Variants in SLCO3A1 observed in about 807,000 individuals in gnomAD.
SLCO3A1 encodes the protein solute carrier organic anion transporter family member 3A1, also known as PGE1 transporter.
SLCO3A1 carries 27 observed loss-of-function variants against 63.1 expected under a neutral mutation model. The observed-to-expected ratio is 0.43, with a 90% CI of 0.32 to 0.59. The LOEUF (loss-of-function observed/expected upper bound fraction) is 0.59. Ranked by LOEUF, SLCO3A1 falls within the 20% of genes least tolerant of loss-of-function variation. SLCO3A1 has a pLI of 0.09. For missense variants in SLCO3A1, 773 were observed against 945.8 expected (o/e 0.82, Z 2.40); for synonymous variants, 473 against 409.9 (o/e 1.15, Z -1.86).
chr15:92,008,173 C>T (rs1481899153), intron 2 of SLCO3A1, among the ~76,000 whole-genome samples: 1 of 152,162 alleles, frequency 6.6e-6, no homozygotes, highest in Non-Finnish European at 1.5e-5. Flanking sequence ...AACACATACA[C>T]ACATAACACA....
intron 2 of SLCO3A1, among the ~76,000 whole-genome samples, chr15:92,005,927 C>T (rs1303898200): frequency 6.6e-6 from 1 of 152,116 alleles, no homozygotes; most frequent in African/African-American, 2.4e-5. Context: ...TTCTGAGACT[C>T]AGCCCTTCTA....
chr15:92,026,859 C>A (rs1447390378), intron 2 of SLCO3A1, among the ~76,000 whole-genome samples: 1 of 152,170 alleles, frequency 6.6e-6, no homozygotes, highest in Non-Finnish European at 1.5e-5. Flanking sequence ...GAGGCCAAGG[C>A]AGGTGGATCA....
At chr15:92,126,281 C>G in intron 6 of SLCO3A1, 22 bp downstream of exon 6, 1 of 1,603,212 alleles carries the variant, frequency 6.2e-7, no homozygotes, top group Non-Finnish European at 8.5e-7. Flanking sequence ...CAGTGTCTGC[C>G]GCCTTCCTGC....
At chr15:92,156,392 T>C (rs961340931) in intron 9 of SLCO3A1, among the ~76,000 whole-genome samples, 2 of 152,200 alleles carry the variant, frequency 1.3e-5, no homozygotes, top group Non-Finnish European at 2.9e-5. Flanking sequence ...CCACCCATGA[T>C]CTGCCACCCT....
intron 1 of SLCO3A1, among the ~76,000 whole-genome samples, chr15:91,896,515 C>T (rs1898007901): frequency 6.6e-6 from 1 of 152,144 alleles, no homozygotes. Flanking sequence ...GTAATTGACT[C>T]ATGGGGGTGG....
intron 7 of SLCO3A1, among the ~76,000 whole-genome samples, chr15:92,135,172 G>C (rs925631220): frequency 2.0e-5 from 3 of 152,174 alleles, no homozygotes; most frequent in African/African-American, 2.4e-5. Context: ...GAAAGCTGGA[G>C]GGAGAGATGG....
rs1597143529 is a variant in SLCO3A1, at chr15:91,944,003, A to G, written c.646+27545A>G. ...AATAGACCTCCATTAGCTGCTCTTC[A>G]TTGGAAACTTTTGAGCGTGCCATTT... On this transcript the variant is annotated intron_variant, in intron 2 of 9. Coordinates refer to ENST00000318445, the MANE Select transcript of SLCO3A1 (RefSeq NM_013272.4). 3.3e-5 allele frequency among the ~76,000 whole-genome samples: 5 copies of G among 152,208 alleles called. No homozygotes were observed. In the South Asian group the frequency reaches 1.0e-3, roughly 32 times the overall value.
At chr15:92,080,436 A>C (rs1466202486) in intron 2 of SLCO3A1, among the ~76,000 whole-genome samples, 1 of 151,902 alleles carries the variant, frequency 6.6e-6, no homozygotes, top group Non-Finnish European at 1.5e-5. Context: ...AGAACTATAG[A>C]AAAAGTCTCA....
chr15:92,050,963 T>C (rs529691388), intron 2 of SLCO3A1, among the ~76,000 whole-genome samples: 88 of 152,302 alleles, frequency 5.8e-4, no homozygotes, highest in African/African-American at 2.0e-3. Flanking sequence ...AGACATAGTC[T>C]TCTTGTCTCT....
intron 7 of SLCO3A1, among the ~76,000 whole-genome samples, chr15:92,141,685 A>G (rs919153591): frequency 3.3e-5 from 5 of 152,080 alleles, no homozygotes; most frequent in Non-Finnish European, 7.4e-5. Flanking sequence ...ATCTCTCTGC[A>G]CTCTGGGAAA....
At chr15:92,094,681 A>G (rs1418563458) in intron 2 of SLCO3A1, among the ~76,000 whole-genome samples, 200 bp from the exon 3 acceptor site, 5 of 152,250 alleles carry the variant, frequency 3.3e-5, no homozygotes, top group African/African-American at 9.6e-5. Flanking sequence ...CTGAAATACT[A>G]TAGAATTGTA....
At chr15:91,957,076 A>G (rs1435236270) in intron 2 of SLCO3A1, among the ~76,000 whole-genome samples, 1 of 1,476 alleles carries the variant, frequency 6.8e-4, no homozygotes, top group Non-Finnish European at 1.3e-3. Flanking sequence ...TTATATATAT[A>G]CTATATAGTA....
At chr15:91,919,155 C>T (rs888885109) in intron 2 of SLCO3A1, among the ~76,000 whole-genome samples, 16 of 152,228 alleles carry the variant, frequency 1.1e-4, no homozygotes, top group Admixed American at 8.5e-4. Flanking sequence ...GCTGTTTGTA[C>T]ATCGGTGGCC....
At chr15:92,064,326 A>G (rs2047122615) in intron 2 of SLCO3A1, among the ~76,000 whole-genome samples, 1 of 152,140 alleles carries the variant, frequency 6.6e-6, no homozygotes, top group South Asian at 2.1e-4. Context: ...AGTTCTTTGT[A>G]TATTCTGGTT....
At chr15:92,126,003 T>C in intron 5 of SLCO3A1, 58 bp from the exon 6 acceptor site, 1 of 1,488,532 alleles carries the variant, frequency 6.7e-7, no homozygotes, top group Non-Finnish European at 9.4e-7. Flanking sequence ...TGCCCGCCTG[T>C]CTGTAGACTG....
rs1023778377 is a variant in SLCO3A1, at chr15:91,854,669, C to T, written c.180+581C>T. Among the ~76,000 whole-genome samples, 2 of 152,142 alleles carry T rather than the reference C, an allele frequency of 1.3e-5. No homozygotes were observed. Among genetic ancestry groups the T allele is most frequent in the African/African-American group, 4.8e-5 (2 of 41,420 alleles). ...GGGGCTGCAGGGGGAATATTGCCAC[C>T]CGGTATCCCTATAGCCCTCTTTGAG... On this transcript the variant is annotated intron_variant, in intron 1 of 9. Transcript: ENST00000318445. The surrounding 1 kb of genome is among the most constrained non-coding windows in gnomAD (Gnocchi z 6.4).
At chr15:91,956,976 A>ATT (rs1567037072) in intron 2 of SLCO3A1, among the ~76,000 whole-genome samples, 2 of 18,328 alleles carry the variant, frequency 1.1e-4, no homozygotes, top group African/African-American at 7.3e-4. Context: ...ATATATATAT[A>ATT]GTATATATAA....
intron 2 of SLCO3A1, among the ~76,000 whole-genome samples, chr15:91,958,413 G>C (rs1023435183): frequency 6.6e-6 from 1 of 152,278 alleles, no homozygotes; most frequent in Admixed American, 6.5e-5. Flanking sequence ...AGCAAAGATG[G>C]GCACTGGATT....
intron 1 of SLCO3A1, among the ~76,000 whole-genome samples, chr15:91,861,509 C>A (rs1264015438): frequency 6.6e-6 from 1 of 152,222 alleles, no homozygotes; most frequent in Non-Finnish European, 1.5e-5. Context: ...CCTCTTTAAA[C>A]ACGGAATAGT....
Sources: gnomAD v4.1 joint callset for allele counts (sites outside exome capture counted in the v4.1 genomes callset) on GRCh38, gnomAD v4.1.1 for gene constraint, Gnocchi (gnomAD v3.1) non-coding constraint, MANE v1.5 for transcripts, NCBI Gene and HGNC (gene_info 2026-07-23, HGNC 2026-07-21) for gene names.